The following SLC35F4 variants were observed in gnomAD, a reference collection of about 807,000 sequenced individuals.
The protein encoded by SLC35F4 is chromosome 14 open reading frame 36.
SLC35F4 carries 24 observed loss-of-function variants against 44.2 expected under a neutral mutation model. The ratio of observed to expected loss-of-function variants is 0.54; its 90% CI spans 0.39 to 0.76. SLC35F4 has a LOEUF of 0.76. Ranked by LOEUF, SLC35F4 falls within the 30% of genes least tolerant of loss-of-function variation. The pLI is 0.00. For synonymous variants in SLC35F4, 238 were observed against 223.6 expected (o/e 1.06, Z -0.57); for missense variants, 562 against 586.1 (o/e 0.96, Z 0.42).
chr14:57,613,454 GTC>G, intron 1 of SLC35F4, among the ~76,000 whole-genome samples: 1 of 152,098 alleles, frequency 6.6e-6, no homozygotes, highest in Non-Finnish European at 1.5e-5. Context: ...CCAACAATGG[GTC>G]ACTCAGTCAA....
At position 57,759,567 on chromosome 14, in the gene SLC35F4, A is replaced by C. The variant is rs149584276; in HGVS notation, c.103+106156T>G. ...TGCACTCCAGCCTGGGTGACAGAGC[A>C]AAAAAAGAAAAAAAAAATTCTTTTT... On this transcript the variant is annotated intron_variant, in intron 1 of 7. Transcript: ENST00000556826. 3.7e-3 allele frequency among the ~76,000 whole-genome samples: 561 copies of C among 152,226 alleles called. 2 individuals are homozygous for C. The highest frequency in any genetic ancestry group is 0.013 in the African/African-American group (532 of 41,524).
At position 57,647,140 on chromosome 14, in the gene SLC35F4, G is replaced by A. The variant is rs556124479; in HGVS notation, c.104-53016C>T. ...AGTTCTGTAGATGTCTATTAGGTCC[G>A]CTTGGTGCAGAGCTGAGTTCAATTC... On this transcript the variant is annotated intron_variant, in intron 1 of 7. Transcript: ENST00000556826. 7.9e-5 allele frequency among the ~76,000 whole-genome samples: 12 copies of A among 151,798 alleles called. No homozygotes were observed. The South Asian group carries it at 1.0e-3, about 13-fold the overall frequency.
At chr14:57,930,756 A>G (rs190834320) in intron 1 of SLC35F4, among the ~76,000 whole-genome samples, 90 of 152,346 alleles carry the variant, frequency 5.9e-4, no homozygotes, top group Admixed American at 1.7e-3. Flanking sequence ...ATTCCTGAGG[A>G]TGGAATTTCA....
intron 1 of SLC35F4, among the ~76,000 whole-genome samples, chr14:57,670,814 T>C (rs1312406900): frequency 6.6e-6 from 1 of 151,900 alleles, no homozygotes; most frequent in South Asian, 2.1e-4. Flanking sequence ...ATTCTATTAA[T>C]TCATACTGAA....
intron 1 of SLC35F4, among the ~76,000 whole-genome samples, chr14:57,728,741 G>T (rs753538268): frequency 6.6e-6 from 1 of 151,964 alleles, no homozygotes; most frequent in Non-Finnish European, 1.5e-5. Context: ...GGGATTACAC[G>T]CATGAGCCAC....
intron 4 of SLC35F4, among the ~76,000 whole-genome samples, chr14:57,577,885 C>CA (rs1038355657): frequency 6.6e-6 from 1 of 152,092 alleles, no homozygotes; most frequent in African/African-American, 2.4e-5. Flanking sequence ...GCAATTTGCT[C>CA]ATGAAAGGGC....
chr14:57,978,995 T>C (rs1881296842), intron 1 of SLC35F4, among the ~76,000 whole-genome samples: 1 of 152,194 alleles, frequency 6.6e-6, no homozygotes, highest in South Asian at 2.1e-4. Context: ...ACCTATGGGA[T>C]TCATAGGACA....
At chr14:57,613,294 G>A (rs2071616574) in intron 1 of SLC35F4, among the ~76,000 whole-genome samples, 1 of 152,204 alleles carries the variant, frequency 6.6e-6, no homozygotes, top group African/African-American at 2.4e-5. Flanking sequence ...AATTTATTGT[G>A]TGTCTGACTC....
intron 1 of SLC35F4, among the ~76,000 whole-genome samples, chr14:57,623,042 A>C (rs1414380686): frequency 6.6e-6 from 1 of 152,132 alleles, no homozygotes; most frequent in Non-Finnish European, 1.5e-5. Context: ...GTCAAGACCC[A>C]TCAGTGTGCT....
chr14:57,564,638 C>G (rs1415096669), intron 7 of SLC35F4, among the ~76,000 whole-genome samples: 2 of 152,136 alleles, frequency 1.3e-5, no homozygotes, highest in African/African-American at 4.8e-5. Context: ...TCCTCTTTAC[C>G]CCTTTAACCT....
At chr14:57,874,362 C>A (rs530218775) in intron 1 of SLC35F4, among the ~76,000 whole-genome samples, 47 of 152,272 alleles carry the variant, frequency 3.1e-4, no homozygotes, top group South Asian at 1.9e-3. Flanking sequence ...TCTCAGAGTA[C>A]CTGTCACATA....
rs1227002662 is a variant in SLC35F4, at chr14:57,857,842, A to G, written c.103+7881T>C. ...GGAGCTTTCTGCAGGGTGATGAAGG[A>G]GACAGAGAGGGAGCACTGGGGCCAA... On this transcript the variant is annotated intron_variant, in intron 1 of 7. Coordinates refer to ENST00000556826, the MANE Select transcript of SLC35F4 (RefSeq NM_001306087.2). Among the ~76,000 whole-genome samples the G allele has an allele frequency of 2.0e-5, 3 of 152,022 alleles. 1 individual carries two copies. The highest frequency in any genetic ancestry group is 7.3e-5 in the African/African-American group (3 of 41,294).
chr14:57,855,695 A>T (rs1055080807), intron 1 of SLC35F4, among the ~76,000 whole-genome samples: 1 of 152,206 alleles, frequency 6.6e-6, no homozygotes, highest in Non-Finnish European at 1.5e-5. Flanking sequence ...TTGGGTATAT[A>T]CCCAAAAGAT....
intron 1 of SLC35F4, among the ~76,000 whole-genome samples, chr14:57,678,189 A>G (rs1053283382): frequency 1.3e-5 from 2 of 152,138 alleles, no homozygotes; most frequent in African/African-American, 4.8e-5. Context: ...CAGAAACCCT[A>G]CAAGCCAGAA....
In SLC35F4 at chr14:57,665,264, C is replaced by T. The variant is rs75746000; in HGVS notation, c.104-71140G>A. Among the ~76,000 whole-genome samples the T allele has an allele frequency of 1.2e-3, 183 of 152,212 alleles. 2 individuals are homozygous for T. The East Asian group carries it at 0.033, about 28-fold the overall frequency. ...CTTCAGACAGCTTACCCAGACTCCG[C>T]CCATCCTCCCTGAGGCCTGGGTGAC... On this transcript the variant is annotated intron_variant, in intron 1 of 7. Coordinates refer to ENST00000556826, the MANE Select transcript of SLC35F4 (RefSeq NM_001306087.2).
chr14:57,709,742 A>G (rs1566784665), intron 1 of SLC35F4, among the ~76,000 whole-genome samples: 1 of 152,280 alleles, frequency 6.6e-6, no homozygotes, highest in South Asian at 2.1e-4. Flanking sequence ...TAAGGGTAAG[A>G]TCTCTTAGAT....
intron 1 of SLC35F4, among the ~76,000 whole-genome samples, chr14:57,943,689 A>G (rs991639769): frequency 6.6e-6 from 1 of 152,220 alleles, no homozygotes; most frequent in Non-Finnish European, 1.5e-5. Context: ...TGCACGGATC[A>G]TGGATGGGCC....
At chr14:57,614,842 A>T (rs1051303568) in intron 1 of SLC35F4, among the ~76,000 whole-genome samples, 2 of 152,202 alleles carry the variant, frequency 1.3e-5, no homozygotes, top group Non-Finnish European at 2.9e-5. Context: ...ACAAGTGCAT[A>T]TGAGGGGTTT....
intron 1 of SLC35F4, among the ~76,000 whole-genome samples, chr14:57,732,266 T>C (rs753974025): frequency 1.3e-5 from 2 of 152,212 alleles, no homozygotes; most frequent in Non-Finnish European, 2.9e-5. Context: ...ACTATGCCCA[T>C]GACTGAAGCA....
Sources: gnomAD v4.1 joint callset for allele counts (sites outside exome capture counted in the v4.1 genomes callset) on GRCh38, gnomAD v4.1.1 for gene constraint, MANE v1.5 for transcripts, NCBI Gene and HGNC (gene_info 2026-07-23, HGNC 2026-07-21) for gene names.